Variants in MEAK7 observed in about 807,000 individuals in gnomAD.
The protein encoded by MEAK7 is MTOR-associated protein MEAK7.
MEAK7 carries 68 observed loss-of-function variants against 40.5 expected under a neutral mutation model. The ratio of observed to expected loss-of-function variants is 1.68; its 90% CI spans 1.38 to 2.06. The LOEUF is 2.06. Among genes scored for constraint, MEAK7 ranks in the 30% most tolerant of loss-of-function variants. The pLI, the probability that MEAK7 is intolerant of heterozygous loss-of-function variation, is 0.00. For missense variants in MEAK7, 918 were observed against 580.5 expected (o/e 1.58, Z -5.98); for synonymous variants, 338 against 231.9 (o/e 1.46, Z -4.16).
rs566220137 is a variant in MEAK7, at chr16:84,477,127, T to G, written c.*2786A>C. ...CCAGGCTGGTCTTGAACTCCTGGGCTCAAGCAATCGGCCTGCCTCAAGCTC... is the reference window on the plus strand; with the variant it reads ...CCAGGCTGGTCTTGAACTCCTGGGCGCAAGCAATCGGCCTGCCTCAAGCTC... On this transcript the variant is annotated 3_prime_UTR_variant, in exon 8 of 8. Coordinates refer to ENST00000343629, the MANE Select transcript of MEAK7 (RefSeq NM_020947.4). The G allele has an allele frequency of 6.6e-6, 1 of 152,246 alleles. No homozygotes were observed. Among genetic ancestry groups the G allele is most frequent in the Non-Finnish European group, 1.5e-5 (1 of 68,148 alleles). The allele number at this position is 152,246 out of a possible 1,614,324, so 9.4% of individuals were successfully genotyped here.
At position 84,480,728 on chromosome 16, in the gene MEAK7, A is replaced by G. The variant is rs749787921; in HGVS notation, c.1078-20T>C. The stretch of plus-strand genomic sequence containing the variant: ...CATACCCTGCAAAGGAAGCCAGGAC[A>G]GAGAATAGCATCAGCAACTCCTCAG... On this transcript the variant is annotated intron_variant, in intron 6 of 7. Transcript: ENST00000343629. The G allele has an allele frequency of 1.9e-6, 3 of 1,598,624 alleles. No individual in the cohort carries two copies. The highest frequency in any genetic ancestry group is 2.6e-6 in the Non-Finnish European group (3 of 1,172,316).
chr16:84,489,846 G>A (rs535494442), intron 3 of MEAK7, among the ~76,000 whole-genome samples: 3 of 152,264 alleles, frequency 2.0e-5, no homozygotes, highest in South Asian at 2.1e-4. Flanking sequence ...AAGTCTTCCT[G>A]TTTCCATAAT....
intron 5 of MEAK7, among the ~76,000 whole-genome samples, chr16:84,484,672 T>G (rs939359511): frequency 1.3e-5 from 2 of 152,180 alleles, no homozygotes; most frequent in South Asian, 4.1e-4. Context: ...TCCCCAGCAT[T>G]TGCCTTCATT....
chr16:84,487,058 A>G lies in MEAK7; in HGVS notation c.531T>C (p.Asp177=), dbSNP rs562913439. Residue 177 remains aspartate (D), a splice_region_variant and synonymous_variant, in exon 5 of 8, where the codon GAT becomes GAC. Transcript: ENST00000343629. The part of the protein sequence containing the change: ...AQLLSDMKLQ[D]GKRLLGPQWL... The stretch of plus-strand genomic sequence containing the variant: ...ACTGGGGCCCCAGAAGTCTCTTGCC[A>G]TCTAGGGGAAGGGGATGGTCAGCAT... 6.2e-7 allele frequency: 1 copy of G among 1,608,934 alleles called. No individual in the cohort carries two copies. Among genetic ancestry groups the G allele is most frequent in the Non-Finnish European group, 8.5e-7 (1 of 1,177,446 alleles).
At chr16:84,490,653 G>GGTGTGTGTGTGTGTGTGTGTGT (rs571630201) in intron 3 of MEAK7, among the ~76,000 whole-genome samples, 1,656 of 104,426 alleles carry the variant, frequency 0.016, 89 homozygotes, top group Non-Finnish European at 0.018. Context: ...AGCTAATCAA[G>GGTGTGTGTGTGTGTGTGTGTGT]ATGTGTGTGT....
rs974422418 is a variant in MEAK7 at position 84,479,934 on chromosome 16, C to T, written c.1350G>A (p.Arg450=). The change falls in exon 8 of 8, where the codon CGG becomes CGA. Residue 450 remains arginine, a synonymous_variant. Transcript: ENST00000343629. ...SGHSRHSEGL[R]EVPDDE is the part of the protein sequence containing the mutation. ...CTCCTCATTCATCGTCCGGGACTTCCCGGAGCCCTTCGCTGTGGCGCGAAT... is the reference window on the plus strand; with the variant it reads ...CTCCTCATTCATCGTCCGGGACTTCTCGGAGCCCTTCGCTGTGGCGCGAAT... The T allele has an allele frequency of 6.2e-7, 1 of 1,609,356 alleles. No individual in the cohort carries two copies. The highest frequency in any genetic ancestry group is 2.2e-5 in the East Asian group (1 of 44,746).
chr16:84,483,885 T>C (rs781202723), intron 5 of MEAK7, among the ~76,000 whole-genome samples: 15 of 151,934 alleles, frequency 9.9e-5, no homozygotes, highest in Non-Finnish European at 1.3e-4. Flanking sequence ...GGAAGGAGGA[T>C]AGTTAGGCTA....
At chr16:84,482,780 G>T in intron 5 of MEAK7, 70 bp from the exon 6 acceptor site, 2 of 1,590,116 alleles carry the variant, frequency 1.3e-6, no homozygotes, top group Non-Finnish European at 1.7e-6. Context: ...CGGAAATGCC[G>T]GTAAGCTGCA....
rs780947861 is a variant in MEAK7 at position 84,480,546 on chromosome 16, G to T, written c.1240C>A (p.Pro414Thr). 5.6e-6 allele frequency: 9 copies of T among 1,611,732 alleles called. No homozygotes were observed. The highest frequency in any genetic ancestry group is 7.6e-6 in the Non-Finnish European group (9 of 1,179,004). Residue 414 changes from proline (P) to threonine (T), a missense_variant, in exon 7 of 8, where the codon CCC becomes ACC. By Grantham distance (38) the Pro-to-Thr change is conservative. Transcript: ENST00000343629. ...CCACTCACCAACTGCTCCTCTGAGGGGTCTCCAACCGCCCACACCTCCATC... is the reference window on the plus strand; with the variant it reads ...CCACTCACCAACTGCTCCTCTGAGGTGTCTCCAACCGCCCACACCTCCATC... Reference protein sequence around the residue: ...DKMEVWAVGDPSEEQLAKGNK... With the variant: ...DKMEVWAVGDTSEEQLAKGNK...
chr16:84,496,009 G>A (rs1567502941), intron 2 of MEAK7, 96 bp from the exon 3 acceptor site: 2 of 1,352,176 alleles, frequency 1.5e-6, no homozygotes, highest in African/African-American at 1.5e-5. Context: ...AGGAAAAGGG[G>A]TCCTTGGGAA....
intron 3 of MEAK7, among the ~76,000 whole-genome samples, chr16:84,492,966 T>C (rs1913748714): frequency 6.6e-6 from 1 of 152,210 alleles, no homozygotes; most frequent in South Asian, 2.1e-4. Flanking sequence ...TCAATTATTG[T>C]TTTGATATTA....
Position 84,477,264 on chromosome 16 carries a change from TCAC to T in MEAK7, c.*2646_*2648del, listed in dbSNP as rs1288896218. 5 of 152,216 alleles carry T rather than the reference TCAC, an allele frequency of 3.3e-5. No individual in the cohort carries two copies. The highest frequency in any genetic ancestry group is 2.9e-5 in the Non-Finnish European group (2 of 68,362). 9.4% of individuals were successfully genotyped at this position (152,216 alleles called of 1,614,324 possible). ...TAGAGTGCAATGGCACGATCTCGGC[TCAC>T]CACAACCTCTGCCTCCCTGGTTCAA... On this transcript the variant is annotated 3_prime_UTR_variant, in exon 8 of 8. Coordinates refer to ENST00000343629, the MANE Select transcript of MEAK7 (RefSeq NM_020947.4).
intron 3 of MEAK7, chr16:84,494,741 G>C (rs1913902295): frequency 4.6e-6 from 2 of 436,470 alleles, no homozygotes; most frequent in Non-Finnish European, 9.0e-6. Context: ...AAACATATCT[G>C]ACTAGGAATA....
chr16:84,492,892 G>A (rs1913743593), intron 3 of MEAK7, among the ~76,000 whole-genome samples: 1 of 152,134 alleles, frequency 6.6e-6, no homozygotes, highest in African/African-American at 2.4e-5. Flanking sequence ...TATATCAAGT[G>A]TTTTAAACTT....
At chr16:84,490,654 A>ATGTATG (rs1913510133) in intron 3 of MEAK7, among the ~76,000 whole-genome samples, 1 of 137,532 alleles carries the variant, frequency 7.3e-6, no homozygotes, top group South Asian at 2.3e-4. Flanking sequence ...GCTAATCAAG[A>ATGTATG]TGTGTGTGTG....
In MEAK7 at chr16:84,476,943, G is replaced by A. The variant is rs539542343; in HGVS notation, c.*2970C>T. ...GTCTTGCTGTGTTGCCCAGGCTGGA[G>A]TGCAGTGGCACAATCACAGCTTATA... On this transcript the variant is annotated 3_prime_UTR_variant, in exon 8 of 8. Coordinates refer to ENST00000343629, the MANE Select transcript of MEAK7 (RefSeq NM_020947.4). 6.6e-6 allele frequency: 1 copy of A among 152,362 alleles called. No individual in the cohort carries two copies. The highest frequency in any genetic ancestry group is 6.5e-5 in the Admixed American group (1 of 15,294). 9.4% of individuals were successfully genotyped at this position (152,362 alleles called of 1,614,324 possible). A position where few individuals can be genotyped will look rare whatever the true frequency, so the allele number is the denominator to read the frequency against.
chr16:84,481,739 C>T (rs1390786663), intron 6 of MEAK7, among the ~76,000 whole-genome samples: 1 of 152,098 alleles, frequency 6.6e-6, no homozygotes, highest in East Asian at 1.9e-4. Context: ...GGAGACCATC[C>T]TGGCTAACAT....
At chr16:84,491,324 G>C (rs557344840) in intron 3 of MEAK7, among the ~76,000 whole-genome samples, 2 of 152,110 alleles carry the variant, frequency 1.3e-5, no homozygotes, top group East Asian at 1.9e-4. Flanking sequence ...GATCATTTGA[G>C]GTTAGGAGGT....
intron 6 of MEAK7, 87 bp from the exon 7 acceptor site, chr16:84,480,795 A>C: frequency 6.9e-7 from 1 of 1,450,440 alleles, no homozygotes; most frequent in Non-Finnish European, 9.2e-7. Flanking sequence ...CTCTCGCCTT[A>C]AGTACCAGCC....
Sources: gnomAD v4.1 joint callset for allele counts (sites outside exome capture counted in the v4.1 genomes callset) on GRCh38, gnomAD v4.1.1 for gene constraint, MANE v1.5 for transcripts, NCBI Gene and HGNC (gene_info 2026-07-23, HGNC 2026-07-21) for gene names.